C19orf53: variants seen among roughly 807,000 people sequenced by gnomAD.
C19orf53 encodes the protein leydig cell tumor 10 kDa protein homolog.
Under a neutral mutation model 6.5 loss-of-function variants are expected in C19orf53, and 9 were observed. The ratio of observed to expected loss-of-function variants is 1.38; its 90% CI spans 0.83 to 2.40. The LOEUF (loss-of-function observed/expected upper bound fraction) is 2.40, where lower values mean the gene tolerates loss of function less well. Ranked by LOEUF, C19orf53 falls within the 30% of genes most tolerant of loss-of-function variation. The pLI is 0.00. For missense variants in C19orf53, 166 were observed against 129.7 expected (o/e 1.28, Z -1.36); for synonymous variants, 68 against 52.5 (o/e 1.29, Z -1.27).
chr19:13,776,711 C>T (rs1038089529), intron 2 of C19orf53, among the ~76,000 whole-genome samples: 5 of 152,186 alleles, frequency 3.3e-5, no homozygotes, highest in Non-Finnish European at 5.9e-5. Flanking sequence ...ACACACTGCT[C>T]CCTTCTTCCA....
chr19:13,777,430 T>A (rs1974382495), intron 2 of C19orf53, among the ~76,000 whole-genome samples: 1 of 152,128 alleles, frequency 6.6e-6, no homozygotes, highest in African/African-American at 2.4e-5. Flanking sequence ...CTCGCTGTGT[T>A]GCCCAGGCTG....
chr19:13,778,234 C>T lies in C19orf53; in HGVS notation c.*36C>T. ...CCCAGTGCAGGCCAACATCCCACCC[C>T]CTACCTCCATATGGGACCTTGCAAG... On this transcript the variant is annotated 3_prime_UTR_variant, in exon 3 of 3. Transcript: ENST00000588234. 1 of 1,539,956 alleles carries T rather than the reference C, an allele frequency of 6.5e-7. No homozygotes were observed. Among genetic ancestry groups the T allele is most frequent in the Non-Finnish European group, 8.8e-7 (1 of 1,139,888 alleles).
chr19:13,776,617 C>T (rs1974374503), intron 2 of C19orf53, among the ~76,000 whole-genome samples: 1 of 152,200 alleles, frequency 6.6e-6, no homozygotes, highest in Non-Finnish European at 1.5e-5. Flanking sequence ...ACCCCTCCTT[C>T]CCGGAGCCCT....
intron 2 of C19orf53, among the ~76,000 whole-genome samples, chr19:13,777,011 G>A (rs929342597): frequency 6.6e-6 from 1 of 151,920 alleles, no homozygotes; most frequent in Non-Finnish European, 1.5e-5. Flanking sequence ...GAGTGCAGTG[G>A]TGCGGTCTGG....
intron 1 of C19orf53, 25 bp downstream of exon 1, chr19:13,774,599 G>T: frequency 6.2e-7 from 1 of 1,613,386 alleles, no homozygotes; most frequent in Non-Finnish European, 8.5e-7. Context: ...GGGGACTTGG[G>T]GGCGAGGTGG....
At chr19:13,776,417 C>A (rs1367377143) in intron 2 of C19orf53, among the ~76,000 whole-genome samples, 1 of 152,036 alleles carries the variant, frequency 6.6e-6, no homozygotes, top group Non-Finnish European at 1.5e-5. Flanking sequence ...CTGGTCCTCT[C>A]ACAGAAGCCA....
At chr19:13,777,041 T>C (rs76856396) in intron 2 of C19orf53, among the ~76,000 whole-genome samples, 4,916 of 152,090 alleles carry the variant, frequency 0.032, 105 homozygotes, top group Non-Finnish European at 0.047. Context: ...AACCTCTGCC[T>C]CCTGGGTTCA....
rs751630911 is a variant in C19orf53 at position 13,774,848 on chromosome 19, G to A, written c.153+141G>A. The A allele has an allele frequency of 5.2e-5, 61 of 1,180,736 alleles. 1 individual carries two copies. Among genetic ancestry groups the A allele is most frequent in the Middle Eastern group, 2.6e-4 (1 of 3,830 alleles). The allele number at this position is 1,180,736 out of a possible 1,614,324, so 73.1% of individuals were successfully genotyped here. On this transcript the variant is annotated intron_variant, in intron 2 of 2. Coordinates refer to ENST00000588234, the MANE Select transcript of C19orf53 (RefSeq NM_014047.3). ...CCTGGGGACGAGCTAGGAGCGAGGG[G>A]ATAGAGCCAGGGGCCGCGTTAGGAG...
chr19:13,774,855 C>G (rs781436332), intron 2 of C19orf53, 148 bp downstream of exon 2: 5 of 1,083,874 alleles, frequency 4.6e-6, no homozygotes, highest in Non-Finnish European at 6.5e-6. Context: ...GGGGATAGAG[C>G]CAGGGGCCGC....
chr19:13,776,034 T>TGCA (rs1974367402), intron 2 of C19orf53, among the ~76,000 whole-genome samples: 1 of 151,706 alleles, frequency 6.6e-6, no homozygotes, highest in South Asian at 2.1e-4. Context: ...TTGGCTTAGG[T>TGCA]GCAACCTCTG....
At chr19:13,774,905 T>G (rs1599562246) in intron 2 of C19orf53, 198 bp downstream of exon 2, 4 of 689,404 alleles carry the variant, frequency 5.8e-6, no homozygotes, top group Middle Eastern at 4.1e-4. Context: ...CAGAGAGGGG[T>G]AAGAGGTGGA....
At chr19:13,776,123 AATTT>A (rs1329158668) in intron 2 of C19orf53, among the ~76,000 whole-genome samples, 1 of 106,042 alleles carries the variant, frequency 9.4e-6, no homozygotes, top group Non-Finnish European at 1.8e-5. Flanking sequence ...ACACCGGGCT[AATTT>A]TTTTTTTTTT....
chr19:13,777,118 CTT>C (rs752616298), intron 2 of C19orf53, among the ~76,000 whole-genome samples: 2 of 151,908 alleles, frequency 1.3e-5, no homozygotes, highest in East Asian at 3.9e-4. Context: ...CACCTGGCTA[CTT>C]TTTGTGTTTT....
rs778664638 is a variant in C19orf53, at chr19:13,774,458, C to G, written c.-20C>G. On this transcript the variant is annotated 5_prime_UTR_variant, in exon 1 of 3. Coordinates refer to ENST00000588234, the MANE Select transcript of C19orf53 (RefSeq NM_014047.3). ...GCTACGACTGCTCACAGTCCCGCCT[C>G]TTCCGCTGCGTGCCGGACCATGGCG... The G allele has an allele frequency of 6.9e-5, 109 of 1,582,352 alleles. 3 individuals are homozygous for G. The Middle Eastern group carries it at 2.2e-3, about 31-fold the overall frequency.
At position 13,776,229 on chromosome 19, in the gene C19orf53, C is replaced by T. The variant is rs572049475; in HGVS notation, c.153+1522C>T. On this transcript the variant is annotated intron_variant, in intron 2 of 2. Coordinates refer to ENST00000588234, the MANE Select transcript of C19orf53 (RefSeq NM_014047.3). Reference sequence around the variant, plus strand: ...TCCTGACCTCATGATCTACCCGCCTCGGCCTCCCAAAGTGCTGGGATTACA... The same window carrying T: ...TCCTGACCTCATGATCTACCCGCCTTGGCCTCCCAAAGTGCTGGGATTACA... Among the ~76,000 whole-genome samples, 10 of 150,460 alleles carry T rather than the reference C, an allele frequency of 6.6e-5. No homozygotes were observed. The South Asian group carries it at 1.3e-3, about 19-fold the overall frequency.
In C19orf53 at chr19:13,777,967, C is replaced by G. The variant is rs190016325; in HGVS notation, c.154-85C>G. The G allele has an allele frequency of 3.8e-5, 57 of 1,501,554 alleles. No homozygotes were observed. The East Asian group carries it at 1.3e-3, about 33-fold the overall frequency. 93.0% of individuals were successfully genotyped at this position (1,501,554 alleles called of 1,614,324 possible). On this transcript the variant is annotated intron_variant, in intron 2 of 2. Transcript: ENST00000588234. ...GGATAGTTGCTGATCTAGCCCCCTG[C>G]GAGCTCTAGCCAGGAAGAGGGTGAC...
chr19:13,776,988 G>C (rs973688008), intron 2 of C19orf53, among the ~76,000 whole-genome samples: 3 of 147,172 alleles, frequency 2.0e-5, no homozygotes, highest in African/African-American at 2.5e-5. Flanking sequence ...TTTCGTTCTT[G>C]TTGCCCAGGC....
Position 13,778,386 on chromosome 19 carries a change from T to TC in C19orf53, c.*189dup. On this transcript the variant is annotated 3_prime_UTR_variant, in exon 3 of 3. Coordinates refer to ENST00000588234, the MANE Select transcript of C19orf53 (RefSeq NM_014047.3). The stretch of plus-strand genomic sequence containing the variant: ...GACCAGGAAGATACAGTCACTAACT[T>TC]CATCTGTCCCCGTGCCCCTTCCCAG... 1 of 629,016 alleles carries TC rather than the reference T, an allele frequency of 1.6e-6. No homozygotes were observed. The highest frequency in any genetic ancestry group is 2.5e-6 in the Non-Finnish European group (1 of 402,170). The allele number at this position is 629,016 out of a possible 1,614,324, so 39.0% of individuals were successfully genotyped here.
intron 2 of C19orf53, among the ~76,000 whole-genome samples, chr19:13,776,039 C>T (rs1008501829): frequency 1.3e-5 from 2 of 151,772 alleles, no homozygotes; most frequent in African/African-American, 4.8e-5. Context: ...TTAGGTGCAA[C>T]CTCTGCCTCC....
Sources: allele counts gnomAD v4.1 joint callset (sites outside exome capture counted in the v4.1 genomes callset), GRCh38; gene constraint gnomAD v4.1.1; transcripts MANE v1.5; gene names NCBI Gene and HGNC (gene_info 2026-07-23, HGNC 2026-07-21).